The following DGKB variants were observed in gnomAD, a reference collection of about 807,000 sequenced individuals.
The protein encoded by DGKB is diacylglycerol kinase beta.
In DGKB, 67 loss-of-function variants were observed where a neutral mutation model predicts 114.3. That is an observed-to-expected ratio of 0.59 (90% confidence interval 0.48 to 0.72). The LOEUF (loss-of-function observed/expected upper bound fraction) is 0.72, where lower values mean the gene tolerates loss of function less well. Ranked by LOEUF, DGKB falls within the 30% of genes least tolerant of loss-of-function variation. The pLI is 0.00. For missense variants in DGKB, 907 were observed against 975.2 expected (o/e 0.93, Z 0.93); for synonymous variants, 398 against 323.1 (o/e 1.23, Z -2.49).
intron 23 of DGKB, among the ~76,000 whole-genome samples, chr7:14,309,842 A>G (rs1411121950): frequency 1.3e-5 from 2 of 152,208 alleles, no homozygotes; most frequent in African/African-American, 2.4e-5. Flanking sequence ...GAAGTTACTG[A>G]AGGATCTGCA....
At chr7:14,506,733 T>C (rs1371421772) in intron 20 of DGKB, among the ~76,000 whole-genome samples, 1 of 152,142 alleles carries the variant, frequency 6.6e-6, no homozygotes, top group Non-Finnish European at 1.5e-5. Context: ...AGAGATATCA[T>C]TCCTTGGAAT....
At chr7:14,522,720 G>A (rs1789985175) in intron 20 of DGKB, among the ~76,000 whole-genome samples, 1 of 152,088 alleles carries the variant, frequency 6.6e-6, no homozygotes, top group Admixed American at 6.5e-5. Flanking sequence ...GTTGAATTCT[G>A]GAGCAAAGAA....
intron 1 of DGKB, among the ~76,000 whole-genome samples, chr7:14,874,079 T>C (rs144470964): frequency 6.6e-6 from 1 of 152,216 alleles, no homozygotes; most frequent in Non-Finnish European, 1.5e-5. Context: ...CAAACAAAGG[T>C]TGAGTTTCTC....
At chr7:14,423,625 C>T (rs921475428) in intron 21 of DGKB, among the ~76,000 whole-genome samples, 1 of 152,010 alleles carries the variant, frequency 6.6e-6, no homozygotes, top group African/African-American at 2.4e-5. Context: ...ACTTTTAACT[C>T]ATGCAAAAGT....
intron 13 of DGKB, among the ~76,000 whole-genome samples, chr7:14,660,399 C>T: frequency 6.6e-6 from 1 of 151,888 alleles, no homozygotes. Flanking sequence ...TGATTATTGC[C>T]ACAATTTCAG....
At chr7:14,871,789 A>G (rs1291696835) in intron 1 of DGKB, among the ~76,000 whole-genome samples, 1 of 152,210 alleles carries the variant, frequency 6.6e-6, no homozygotes, top group Admixed American at 6.5e-5. Context: ...TATTAGGCAG[A>G]TTGCTATATA....
chr7:14,800,074 G>A (rs1258730945), intron 2 of DGKB, among the ~76,000 whole-genome samples: 6 of 152,038 alleles, frequency 3.9e-5, no homozygotes, highest in East Asian at 1.9e-4. Context: ...ACACCACCGC[G>A]CCTGGCTAAC....
intron 13 of DGKB, among the ~76,000 whole-genome samples, chr7:14,664,768 C>T (rs143600786): frequency 1.3e-5 from 2 of 151,938 alleles, no homozygotes; most frequent in East Asian, 3.9e-4. Flanking sequence ...GTATCACACC[C>T]TAATATTTAA....
chr7:14,158,734 G>C (rs761506576), intron 25 of DGKB, among the ~76,000 whole-genome samples: 8 of 152,144 alleles, frequency 5.3e-5, no homozygotes, highest in Non-Finnish European at 1.0e-4. Flanking sequence ...TAATTCAGTT[G>C]AAATAGTACT....
chr7:14,567,968 GT>G (rs1363719525), intron 20 of DGKB, among the ~76,000 whole-genome samples: 1 of 152,036 alleles, frequency 6.6e-6, no homozygotes, highest in South Asian at 2.1e-4. Flanking sequence ...TAAGTGCTTA[GT>G]TTTTTTGTTT....
intron 18 of DGKB, among the ~76,000 whole-genome samples, chr7:14,581,572 A>G (rs2128724584): frequency 6.6e-6 from 1 of 152,338 alleles, no homozygotes; most frequent in African/African-American, 2.4e-5. Context: ...GGTTCAGAGC[A>G]GTAAAGATCT....
At chr7:14,829,506 A>G (rs147436140) in intron 2 of DGKB, among the ~76,000 whole-genome samples, 1 of 152,258 alleles carries the variant, frequency 6.6e-6, no homozygotes, top group African/African-American at 2.4e-5. Flanking sequence ...AAGCTCTCTC[A>G]TGTTTTGCGA....
At chr7:14,221,461 T>C (rs1789959120) in intron 23 of DGKB, among the ~76,000 whole-genome samples, 1 of 151,438 alleles carries the variant, frequency 6.6e-6, no homozygotes, top group Non-Finnish European at 1.5e-5. Flanking sequence ...TCTATTGCTA[T>C]AGTGCATTAC....
At position 14,882,265 on chromosome 7, in the gene DGKB, C is replaced by T. The variant is rs1854345184; in HGVS notation, c.-188+20327G>A. On this transcript the variant is annotated intron_variant, in intron 1 of 25. Transcript: ENST00000402815. Reference sequence around the variant, plus strand: ...ATGAATACCTGAAGGATGTAGTCCACAAAAGGGCAGTCTTTGACAGTCAGA... The same window carrying T: ...ATGAATACCTGAAGGATGTAGTCCATAAAAGGGCAGTCTTTGACAGTCAGA... 3.3e-5 allele frequency among the ~76,000 whole-genome samples: 5 copies of T among 152,006 alleles called. No homozygotes were observed. The South Asian group carries it at 1.0e-3, about 32-fold the overall frequency.
chr7:14,851,999 T>C (rs773799348), intron 1 of DGKB, among the ~76,000 whole-genome samples: 16 of 152,298 alleles, frequency 1.1e-4, no homozygotes, highest in Non-Finnish European at 1.9e-4. Flanking sequence ...AATTCTACTA[T>C]GCCCATTCTG....
At chr7:14,152,962 TCC>T (rs1350259496) in intron 25 of DGKB, among the ~76,000 whole-genome samples, 1 of 152,038 alleles carries the variant, frequency 6.6e-6, no homozygotes, top group Non-Finnish European at 1.5e-5. Flanking sequence ...GCCCTCAAAG[TCC>T]ACTCCCATAA....
At chr7:14,318,461 C>G (rs1342283057) in intron 23 of DGKB, among the ~76,000 whole-genome samples, 1 of 152,132 alleles carries the variant, frequency 6.6e-6, no homozygotes, top group Non-Finnish European at 1.5e-5. Flanking sequence ...ACAACCCCAT[C>G]GAAAAGTGGG....
At chr7:14,621,181 T>C in intron 15 of DGKB, 197 bp downstream of exon 15, 1 of 469,926 alleles carries the variant, frequency 2.1e-6, no homozygotes, top group Non-Finnish European at 3.7e-6. Flanking sequence ...TCATAAATGA[T>C]TAATTTAACC....
chr7:14,530,384 A>G (rs1791378552), intron 20 of DGKB, among the ~76,000 whole-genome samples: 1 of 151,552 alleles, frequency 6.6e-6, no homozygotes, highest in African/African-American at 2.4e-5. Context: ...ACTCATCTCA[A>G]ATTGCCTTCT....
Sources: gnomAD v4.1 joint callset for allele counts (sites outside exome capture counted in the v4.1 genomes callset) on GRCh38, gnomAD v4.1.1 for gene constraint, MANE v1.5 for transcripts, NCBI Gene and HGNC (gene_info 2026-07-23, HGNC 2026-07-21) for gene names.